Variants in CAPN12 observed in about 807,000 individuals in gnomAD.
CAPN12 encodes the protein calpain 12, also known as calpain-12.
In CAPN12, 107 loss-of-function variants were observed where a neutral mutation model predicts 95.0. The ratio of observed to expected loss-of-function variants is 1.13; its 90% confidence interval spans 0.96 to 1.32. The LOEUF is 1.32. CAPN12 is among the 40% of genes most tolerant of loss of function. The probability of loss-of-function intolerance (pLI) is 0.00; values close to 1 mark genes in which losing one functional copy is unlikely to be tolerated. For missense variants in CAPN12, 1,136 were observed against 997.8 expected (o/e 1.14, Z -1.87); for synonymous variants, 505 against 415.5 (o/e 1.22, Z -2.62).
intron 16 of CAPN12, 40 bp from the exon 17 acceptor site, chr19:38,734,244 C>A: frequency 1.9e-6 from 3 of 1,611,264 alleles, no homozygotes; most frequent in Non-Finnish European, 2.5e-6. Context: ...AGGTCAATCT[C>A]TCCAGAAGGG....
Position 38,743,106 on chromosome 19 carries a change from TG to T in CAPN12, c.238-5del, listed in dbSNP as rs1204068374. ...ACTTCGGCTCAGCACAGAACTCCTG[TG>T]GGTGGTGGGGGATTCCAGGCCTCAG... On this transcript the variant is annotated splice_region_variant and splice_polypyrimidine_tract_variant and intron_variant, in intron 1 of 20. Coordinates refer to ENST00000328867, the MANE Select transcript of CAPN12 (RefSeq NM_144691.4). 4 of 1,613,822 alleles carry T rather than the reference TG, an allele frequency of 2.5e-6. No homozygotes were observed. In the African/African-American group the frequency reaches 5.3e-5, roughly 22 times the overall value.
chr19:38,742,130 C>T, intron 3 of CAPN12: 1 of 641,126 alleles, frequency 1.6e-6, no homozygotes, highest in Non-Finnish European at 2.6e-6. Context: ...TCGAGACCAG[C>T]CTGGCTAAGA....
At chr19:38,743,510 G>T (rs1970698508) in intron 1 of CAPN12, among the ~76,000 whole-genome samples, 1 of 107,274 alleles carries the variant, frequency 9.3e-6, no homozygotes, top group East Asian at 2.3e-4. Context: ...CAAGAATCCA[G>T]GTCCCCAGCC....
chr19:38,740,901 G>A lies in CAPN12; in HGVS notation c.561-682C>T, dbSNP rs78049755. Among the ~76,000 whole-genome samples, 137 of 152,144 alleles carry A rather than the reference G, an allele frequency of 9.0e-4. 2 individuals carry two copies. The highest frequency in any genetic ancestry group is 8.5e-3 in the East Asian group (44 of 5,168). ...TGGTCCTTGGGGTGACCAGGACTTC[G>A]GTTTGGTGGGGGGCATGGGAGAGCT... On this transcript the variant is annotated intron_variant, in intron 4 of 20. Coordinates refer to ENST00000328867, the MANE Select transcript of CAPN12 (RefSeq NM_144691.4).
chr19:38,734,357 C>T lies in CAPN12; in HGVS notation c.1777G>A (p.Gly593Arg), dbSNP rs571997336. ...RAHTSTPREI[G>R]LRTCEQLLQC... ...AGCAGCTGCTCACAGGTCCTGAGCC[C>T]GATCTCTCTGGGGGTGGAGGTATGG... Residue 593 changes from glycine to arginine, a missense_variant, in exon 16 of 21, where the codon GGG becomes AGG. Transcript: ENST00000328867. The T allele has an allele frequency of 4.4e-5, 70 of 1,607,666 alleles. No individual in the cohort carries two copies. Among genetic ancestry groups the T allele is most frequent in the Non-Finnish European group, 5.0e-5 (59 of 1,176,572 alleles).
chr19:38,736,836 CCT>C (rs895215144), intron 10 of CAPN12: 1 of 587,910 alleles, frequency 1.7e-6, no homozygotes, highest in South Asian at 2.1e-5. Context: ...TAACCTCGTC[CCT>C]CTGTCTGTCC....
At position 38,738,641 on chromosome 19, in the gene CAPN12, C is replaced by A. The variant is rs777884123; in HGVS notation, c.737G>T (p.Arg246Leu). 6.2e-7 allele frequency: 1 copy of A among 1,613,964 alleles called. No homozygotes were observed. Among genetic ancestry groups the A allele is most frequent in the Non-Finnish European group, 8.5e-7 (1 of 1,180,008 alleles). ...GCCCTCTTCTGTGCGGTACTCACCCCGATCACTCTGGGCAGGGGATGGGAT... is the reference window on the plus strand; with the variant it reads ...GCCCTCTTCTGTGCGGTACTCACCCAGATCACTCTGGGCAGGGGATGGGAT... ...SLVGATALSD[R>L]GEYRTEEGLV... is the part of the protein sequence containing the mutation. The change falls in exon 6 of 21, where the codon CGG becomes CTG. Residue 246 changes from arginine (R) to leucine (L), a missense_variant. By Grantham distance (102) the Arg-to-Leu change is moderately radical (BLOSUM62 -2). Transcript: ENST00000328867.
intron 5 of CAPN12, chr19:38,739,477 GA>G (rs1599925124): frequency 7.2e-6 from 1 of 139,050 alleles, no homozygotes; most frequent in Non-Finnish European, 1.6e-5. Flanking sequence ...AAAAAAGATG[GA>G]AAGAGTAGAG....
chr19:38,742,083 T>C (rs990736424), intron 3 of CAPN12, among the ~76,000 whole-genome samples, 173 bp from the exon 4 acceptor site: 6 of 152,038 alleles, frequency 3.9e-5, no homozygotes, highest in African/African-American at 1.4e-4. Context: ...CCCAGCACTT[T>C]GGGAGGCCGA....
chr19:38,742,132 T>A, intron 3 of CAPN12: 1 of 633,560 alleles, frequency 1.6e-6, no homozygotes, highest in South Asian at 2.0e-5. Flanking sequence ...GAGACCAGCC[T>A]GGCTAAGATG....
intron 11 of CAPN12, 22 bp from the exon 12 acceptor site, chr19:38,736,340 C>A: frequency 6.9e-7 from 1 of 1,455,364 alleles, no homozygotes; most frequent in South Asian, 1.4e-5. Flanking sequence ...GCGGCATGAC[C>A]ACGGACCAGG....
Position 38,744,198 on chromosome 19 carries a change from C to A in CAPN12, c.-33G>T. The A allele has an allele frequency of 6.3e-7, 1 of 1,599,234 alleles. No individual in the cohort carries two copies. ...CTGGCCTCACAAGCCGGCACCAGGC[C>A]CTTTAACCTCCTGAGTCACGGGGGC... is the stretch of plus-strand genomic sequence containing the variant. On this transcript the variant is annotated 5_prime_UTR_variant, in exon 1 of 21. Coordinates refer to ENST00000328867, the MANE Select transcript of CAPN12 (RefSeq NM_144691.4).
rs528745801 is a variant in CAPN12, at chr19:38,734,081, C to T, written c.1878+61G>A. 7.6e-6 allele frequency: 12 copies of T among 1,585,842 alleles called. No individual in the cohort carries two copies. In the Admixed American group the frequency reaches 8.5e-5, roughly 11 times the overall value. ...GGGGACCTGATAGCCCACAGGGTGC[C>T]TATGTCTCTGTTAGTAAAGGTTTCT... On this transcript the variant is annotated intron_variant, in intron 17 of 20. Transcript: ENST00000328867.
In CAPN12 at chr19:38,734,886, G is replaced by C; in HGVS notation, c.1687-16C>G. On this transcript the variant is annotated splice_polypyrimidine_tract_variant and intron_variant, in intron 14 of 20. Transcript: ENST00000328867. ...GTTCTTCCTCCTAGTCCAGGAAAGA[G>C]GGCTTGTGAGGCCATTTACTCATCC... 1.2e-6 allele frequency: 2 copies of C among 1,612,096 alleles called. No homozygotes were observed. The highest frequency in any genetic ancestry group is 1.7e-6 in the Non-Finnish European group (2 of 1,179,470).
chr19:38,740,286 A>T (rs151277593), intron 4 of CAPN12, 67 bp from the exon 5 acceptor site: 70 of 1,426,868 alleles, frequency 4.9e-5, no homozygotes, highest in Non-Finnish European at 5.7e-5. Flanking sequence ...CTGCCCTGGG[A>T]TCTGCAGGGG....
intron 18 of CAPN12, chr19:38,731,581 C>T (rs1403777799): frequency 1.6e-5 from 5 of 316,210 alleles, no homozygotes; most frequent in African/African-American, 1.1e-4. Context: ...ATAGTCAATC[C>T]CATATGGAGT....
In CAPN12 at chr19:38,735,958, TTCTGGGGGCGGGGCGGGGCGGGG is replaced by T. The variant is rs1413309234; in HGVS notation, c.1583+129_1583+151del. On this transcript the variant is annotated intron_variant, in intron 12 of 20. Transcript: ENST00000328867. Reference sequence around the variant, plus strand: ...TTCTGGGGGCGGGGCGGGGCGGGGGTTCTGGGGGCGGGGCGGGGCGGGGCAGGGGTTCTGGGGGCGGGGCAGGT... The same window carrying T: ...TTCTGGGGGCGGGGCGGGGCGGGGGTCAGGGGTTCTGGGGGCGGGGCAGGT... 40 of 24,378 alleles carry T rather than the reference TTCTGGGGGCGGGGCGGGGCGGGG, an allele frequency of 1.6e-3. 2 individuals are homozygous for T. The highest frequency in any genetic ancestry group is 8.9e-3 in the Middle Eastern group (1 of 112). 1.5% of individuals were successfully genotyped at this position (24,378 alleles called of 1,614,324 possible).
intron 8 of CAPN12, 144 bp from the exon 9 acceptor site, chr19:38,737,782 G>T: frequency 8.9e-7 from 1 of 1,128,560 alleles, no homozygotes; most frequent in Non-Finnish European, 1.2e-6. Context: ...AACCCCAAAT[G>T]CCTGGGCCTC....
intron 4 of CAPN12, 47 bp downstream of exon 4, chr19:38,741,730 T>A (rs1455120060): frequency 2.5e-6 from 4 of 1,606,538 alleles, no homozygotes; most frequent in Non-Finnish European, 3.4e-6. Context: ...GCTTGATGCC[T>A]GCTGTGGGGA....
Sources: gnomAD v4.1 joint callset for allele counts (sites outside exome capture counted in the v4.1 genomes callset) on GRCh38, gnomAD v4.1.1 for gene constraint, MANE v1.5 for transcripts, NCBI Gene and HGNC (gene_info 2026-07-23, HGNC 2026-07-21) for gene names.